Variants in NRG3 observed in about 807,000 individuals in gnomAD.
NRG3 encodes neuregulin 3.
In NRG3, 31 loss-of-function variants were observed where a neutral mutation model predicts 66.9. The ratio of observed to expected loss-of-function variants is 0.46; its 90% confidence interval spans 0.35 to 0.63. The LOEUF (loss-of-function observed/expected upper bound fraction) is 0.63, where lower values mean the gene tolerates loss of function less well. Ranked by LOEUF, NRG3 falls within the 20% of genes least tolerant of loss-of-function variation. NRG3 has a pLI of 0.00. For missense variants in NRG3, 910 were observed against 878.9 expected (o/e 1.04, Z -0.45); for synonymous variants, 393 against 359.4 (o/e 1.09, Z -1.06).
At chr10:82,429,875 G>T (rs976838313) in intron 2 of NRG3, among the ~76,000 whole-genome samples, 1 of 151,858 alleles carries the variant, frequency 6.6e-6, no homozygotes, top group Admixed American at 6.6e-5. Context: ...TAAGTTCACC[G>T]GTTCATTATT....
intron 2 of NRG3, among the ~76,000 whole-genome samples, chr10:82,653,179 G>A (rs1417174359): frequency 6.6e-6 from 1 of 152,164 alleles, no homozygotes; most frequent in Non-Finnish European, 1.5e-5. Flanking sequence ...GAAAGACACT[G>A]GTAACTGTCA....
chr10:81,946,232 G>A (rs908349433), intron 1 of NRG3, among the ~76,000 whole-genome samples: 9 of 152,068 alleles, frequency 5.9e-5, no homozygotes, highest in Admixed American at 1.3e-4. Flanking sequence ...GGTCAGGCTG[G>A]TTTCAAACTC....
intron 2 of NRG3, among the ~76,000 whole-genome samples, chr10:82,511,495 C>T (rs1393705679): frequency 2.0e-5 from 3 of 152,142 alleles, no homozygotes; most frequent in African/African-American, 4.8e-5. Flanking sequence ...TACTCATCCC[C>T]GCTGGGCACC....
chr10:82,472,561 C>T (rs528902833), intron 2 of NRG3, among the ~76,000 whole-genome samples: 8 of 152,302 alleles, frequency 5.3e-5, no homozygotes, highest in East Asian at 3.9e-4. Flanking sequence ...AATTCCCCTT[C>T]GGGTATCCCT....
intron 1 of NRG3, among the ~76,000 whole-genome samples, chr10:82,192,338 A>G (rs2074194108): frequency 1.3e-5 from 2 of 152,200 alleles, no homozygotes; most frequent in Non-Finnish European, 2.9e-5. Context: ...GGCACTTCAC[A>G]TTTATTTTGT....
At chr10:82,354,545 C>T (rs767738899) in intron 1 of NRG3, among the ~76,000 whole-genome samples, 10 of 152,048 alleles carry the variant, frequency 6.6e-5, no homozygotes, top group Admixed American at 5.9e-4. Context: ...TGCCTGCCAC[C>T]ATGCCTGGCT....
At chr10:82,438,709 G>A (rs925611685) in intron 2 of NRG3, among the ~76,000 whole-genome samples, 3 of 152,110 alleles carry the variant, frequency 2.0e-5, no homozygotes, top group African/African-American at 7.2e-5. Flanking sequence ...GCACAGTTCC[G>A]TGAAAAAAGC....
At chr10:82,600,555 C>T (rs1233054726) in intron 2 of NRG3, among the ~76,000 whole-genome samples, 1 of 152,184 alleles carries the variant, frequency 6.6e-6, no homozygotes, top group Non-Finnish European at 1.5e-5. Context: ...ATTGCAACCC[C>T]TGCCTCCCAG....
At chr10:81,940,328 T>C (rs1224177072) in intron 1 of NRG3, among the ~76,000 whole-genome samples, 1 of 152,056 alleles carries the variant, frequency 6.6e-6, no homozygotes, top group Non-Finnish European at 1.5e-5. Flanking sequence ...TTATTTATCT[T>C]CTCTCTGATT....
At chr10:82,361,835 C>A (rs12260901) in intron 2 of NRG3, among the ~76,000 whole-genome samples, 50,730 of 151,718 alleles carry the variant, frequency 0.33, 10,959 homozygotes, top group African/African-American at 0.6. Context: ...AAGGCTTATG[C>A]ATGACCCTGG....
chr10:82,582,872 C>T (rs1262085373), intron 2 of NRG3, among the ~76,000 whole-genome samples: 1 of 152,104 alleles, frequency 6.6e-6, no homozygotes, highest in Non-Finnish European at 1.5e-5. Context: ...TTTAAATTAA[C>T]ATCAAAGCAG....
rs548501573 is a variant in NRG3, at chr10:81,996,536, A to G, written c.823+120373A>G. Among the ~76,000 whole-genome samples the G allele has an allele frequency of 2.2e-4, 33 of 152,256 alleles. 1 individual carries two copies. In the South Asian group the frequency reaches 6.4e-3, roughly 30 times the overall value. ...ATAAGATATTTACATATTTTTGCCA[A>G]TTGGTCATTATCTTTTATTTCACAT... On this transcript the variant is annotated intron_variant, in intron 1 of 8. Transcript: ENST00000372141.
At chr10:82,873,020 A>G (rs976013873) in intron 4 of NRG3, among the ~76,000 whole-genome samples, 2 of 152,118 alleles carry the variant, frequency 1.3e-5, no homozygotes, top group African/African-American at 4.8e-5. Flanking sequence ...TAGATTTATT[A>G]ATTTTAAGGA....
intron 1 of NRG3, among the ~76,000 whole-genome samples, chr10:82,342,971 C>A (rs2082762257): frequency 6.6e-6 from 1 of 152,028 alleles, no homozygotes; most frequent in African/African-American, 2.4e-5. Flanking sequence ...GGTATGGTTT[C>A]ATCCGTCTGC....
intron 1 of NRG3, among the ~76,000 whole-genome samples, chr10:82,286,601 A>T (rs1054568380): frequency 1.1e-4 from 17 of 152,054 alleles, no homozygotes; most frequent in African/African-American, 3.6e-4. Flanking sequence ...TTATTTACTT[A>T]TTTTGAGATG....
At chr10:82,504,827 G>A (rs893718812) in intron 2 of NRG3, among the ~76,000 whole-genome samples, 7 of 151,750 alleles carry the variant, frequency 4.6e-5, no homozygotes, top group African/African-American at 1.7e-4. Context: ...CCCAGCTAAT[G>A]AATAAATGAT....
chr10:82,435,045 T>C (rs770739627), intron 2 of NRG3, among the ~76,000 whole-genome samples: 60 of 152,206 alleles, frequency 3.9e-4, no homozygotes, highest in Non-Finnish European at 5.3e-4. Flanking sequence ...GTATTTATGG[T>C]AGAATTCACC....
At chr10:82,479,733 C>G (rs973013294) in intron 2 of NRG3, among the ~76,000 whole-genome samples, 1 of 147,670 alleles carries the variant, frequency 6.8e-6, no homozygotes, top group Non-Finnish European at 1.5e-5. Context: ...GTTGGGAGGC[C>G]GAGGCGGGCG....
At chr10:82,674,417 A>C (rs1168476962) in intron 2 of NRG3, among the ~76,000 whole-genome samples, 1 of 152,198 alleles carries the variant, frequency 6.6e-6, no homozygotes, top group African/African-American at 2.4e-5. Flanking sequence ...CTCTTAGTTC[A>C]TCTGGCCTAT....
Sources: allele counts gnomAD v4.1 joint callset (sites outside exome capture counted in the v4.1 genomes callset), GRCh38; gene constraint gnomAD v4.1.1; transcripts MANE v1.5; gene names NCBI Gene and HGNC (gene_info 2026-07-23, HGNC 2026-07-21).